The following LSAMP variants were observed in gnomAD, a reference collection of about 807,000 sequenced individuals.
LSAMP encodes the protein limbic system associated membrane protein.
Under a neutral mutation model 38.6 loss-of-function variants are expected in LSAMP, and 7 were observed. The observed-to-expected ratio is 0.18, with a 90% CI of 0.10 to 0.34. The LOEUF (loss-of-function observed/expected upper bound fraction) is 0.34. LSAMP is among the 10% of genes least tolerant of loss of function. LSAMP has a pLI of 1.00. For missense variants in LSAMP, 313 were observed against 420.0 expected (o/e 0.75, Z 2.23); for synonymous variants, 154 against 166.8 (o/e 0.92, Z 0.59).
chr3:116,294,930 T>C (rs1171243159), intron 1 of LSAMP, among the ~76,000 whole-genome samples: 11 of 140,362 alleles, frequency 7.8e-5, no homozygotes, highest in Non-Finnish European at 1.3e-4. Context: ...AGAGGAGTTA[T>C]AGCAACTGCA....
At chr3:116,237,231 A>G (rs1318970963) in intron 1 of LSAMP, among the ~76,000 whole-genome samples, 1 of 152,172 alleles carries the variant, frequency 6.6e-6, no homozygotes, top group Non-Finnish European at 1.5e-5. Context: ...TCACATCAGT[A>G]TTAGTAACAA....
chr3:115,987,484 A>G (rs977218157), intron 3 of LSAMP, among the ~76,000 whole-genome samples: 7 of 152,156 alleles, frequency 4.6e-5, no homozygotes, highest in Non-Finnish European at 8.8e-5. Flanking sequence ...TGTTATTGAG[A>G]TTTCAGGAAC....
At chr3:116,295,444 T>C (rs1375948577) in intron 1 of LSAMP, among the ~76,000 whole-genome samples, 2 of 152,210 alleles carry the variant, frequency 1.3e-5, no homozygotes, top group African/African-American at 4.8e-5. Flanking sequence ...TTTTTCCTCA[T>C]CTTGAACAGC....
At chr3:115,980,815 T>C (rs933069218) in intron 3 of LSAMP, among the ~76,000 whole-genome samples, 1 of 152,320 alleles carries the variant, frequency 6.6e-6, no homozygotes, top group African/African-American at 2.4e-5. Context: ...CCTAAGGTCA[T>C]ATATCTTTTG....
chr3:115,941,949 C>G (rs1221236592), intron 3 of LSAMP, among the ~76,000 whole-genome samples: 1 of 151,924 alleles, frequency 6.6e-6, no homozygotes, highest in Non-Finnish European at 1.5e-5. Context: ...CATAAAATCA[C>G]CACATTGTAT....
chr3:116,156,670 T>C (rs1239076159), intron 1 of LSAMP, among the ~76,000 whole-genome samples: 1 of 152,090 alleles, frequency 6.6e-6, no homozygotes, highest in Non-Finnish European at 1.5e-5. Context: ...GAATGCTACA[T>C]TTTAAAAAGA....
rs558349064 is a variant in LSAMP, at chr3:116,272,254, G to GT, written c.155+172622dup. On this transcript the variant is annotated intron_variant, in intron 1 of 6. Transcript: ENST00000490035. ...TGAACACGGACTTATCCTGAGTCCT[G>GT]TTTTATCATGGGACTGAGACAACTA... 6.1e-3 allele frequency among the ~76,000 whole-genome samples: 931 copies of GT among 152,240 alleles called. 12 individuals carry two copies. The highest frequency in any genetic ancestry group is 5.9e-3 in the Non-Finnish European group (404 of 67,984).
intron 1 of LSAMP, among the ~76,000 whole-genome samples, chr3:116,209,110 T>G (rs2046114794): frequency 6.6e-6 from 1 of 152,134 alleles, no homozygotes; most frequent in African/African-American, 2.4e-5. Context: ...TGGTGTGCCG[T>G]TTTTTAAGCC....
intron 1 of LSAMP, among the ~76,000 whole-genome samples, chr3:116,265,075 G>A (rs750339732): frequency 6.6e-6 from 1 of 152,150 alleles, no homozygotes; most frequent in Non-Finnish European, 1.5e-5. Flanking sequence ...CAAAAGGGAC[G>A]TGTTATGAAT....
intron 1 of LSAMP, among the ~76,000 whole-genome samples, chr3:116,400,561 C>T (rs534912342): frequency 6.6e-6 from 1 of 151,948 alleles, no homozygotes; most frequent in Non-Finnish European, 1.5e-5. Flanking sequence ...TCACTGCAAC[C>T]TCTGCTACCC....
chr3:116,313,641 A>C (rs1401224059), intron 1 of LSAMP, among the ~76,000 whole-genome samples: 3 of 152,224 alleles, frequency 2.0e-5, no homozygotes, highest in Admixed American at 2.0e-4. Context: ...GAGAGAAAGA[A>C]AAACTAGCAT....
chr3:116,407,558 T>C (rs1316918646), intron 1 of LSAMP, among the ~76,000 whole-genome samples: 1 of 152,020 alleles, frequency 6.6e-6, no homozygotes, highest in Non-Finnish European at 1.5e-5. Flanking sequence ...AAGGTCTAAG[T>C]ATAGCCTGAG....
intron 1 of LSAMP, among the ~76,000 whole-genome samples, chr3:116,376,182 AG>A (rs1474042851): frequency 6.6e-6 from 1 of 152,032 alleles, no homozygotes; most frequent in Non-Finnish European, 1.5e-5. Flanking sequence ...ATTCCTTATA[AG>A]GAATGCTCTT....
At chr3:115,825,548 A>G (rs1934379884) in intron 6 of LSAMP, among the ~76,000 whole-genome samples, 2 of 152,214 alleles carry the variant, frequency 1.3e-5, no homozygotes, top group Non-Finnish European at 2.9e-5. Context: ...GGCTGTCAGT[A>G]TCCTCCAGAA....
At chr3:115,870,916 G>A (rs1936014660) in intron 3 of LSAMP, among the ~76,000 whole-genome samples, 1 of 152,004 alleles carries the variant, frequency 6.6e-6, no homozygotes, top group South Asian at 2.1e-4. Context: ...TTTGCTTGCT[G>A]GGGAGATGGT....
At chr3:116,202,381 A>G (rs556257285) in intron 1 of LSAMP, among the ~76,000 whole-genome samples, 1 of 152,146 alleles carries the variant, frequency 6.6e-6, no homozygotes, top group African/African-American at 2.4e-5. Flanking sequence ...TGGTCTGCCC[A>G]CCACAGCCTC....
chr3:116,295,453 G>T (rs1047322365), intron 1 of LSAMP, among the ~76,000 whole-genome samples: 1 of 152,132 alleles, frequency 6.6e-6, no homozygotes, highest in Non-Finnish European at 1.5e-5. Context: ...ATCTTGAACA[G>T]CATAAAGCTA....
At chr3:116,120,979 A>G (rs1334633583) in intron 1 of LSAMP, among the ~76,000 whole-genome samples, 3 of 152,160 alleles carry the variant, frequency 2.0e-5, no homozygotes, top group African/African-American at 7.2e-5. Context: ...TTTCAGGTGG[A>G]TGACAAACTC....
Position 116,271,729 on chromosome 3 carries a change from C to T in LSAMP, c.155+173148G>A, listed in dbSNP as rs79029073. On this transcript the variant is annotated intron_variant, in intron 1 of 6. Transcript: ENST00000490035. ...TTTGTGGACAAGGCATAAAATGCAA[C>T]GTGCTGACGGATAGTGTGCCAATTT... is the stretch of plus-strand genomic sequence containing the variant. Among the ~76,000 whole-genome samples, 1,495 of 152,032 alleles carry T rather than the reference C, an allele frequency of 9.8e-3. 19 individuals carry two copies. The highest frequency in any genetic ancestry group is 0.033 in the African/African-American group (1,361 of 41,508).
Sources: gnomAD v4.1 joint callset for allele counts (sites outside exome capture counted in the v4.1 genomes callset) on GRCh38, gnomAD v4.1.1 for gene constraint, MANE v1.5 for transcripts, NCBI Gene and HGNC (gene_info 2026-07-23, HGNC 2026-07-21) for gene names.